Variants in CACNA1D observed in about 807,000 individuals in gnomAD.
The protein encoded by CACNA1D is voltage-dependent L-type calcium channel subunit alpha-1D.
Under a neutral mutation model 257.1 loss-of-function variants are expected in CACNA1D, and 55 were observed. The ratio of observed to expected loss-of-function variants is 0.21; its 90% CI spans 0.17 to 0.27. The LOEUF is 0.27. Ranked by LOEUF, CACNA1D falls within the 10% of genes least tolerant of loss-of-function variation. The pLI is 1.00. For synonymous variants in CACNA1D, 980 were observed against 1,014.9 expected, an observed-to-expected ratio of 0.97 and a Z score of 0.65; for missense variants, 1,876 against 2,784.0, an observed-to-expected ratio of 0.67 and a Z score of 7.34.
intron 3 of CACNA1D, among the ~76,000 whole-genome samples, chr3:53,588,117 A>G (rs2093248965): frequency 6.6e-6 from 1 of 152,216 alleles, no homozygotes. Flanking sequence ...ACACACTTTT[A>G]TGACTCCTTG....
At chr3:53,765,239 G>A (rs1425394878) in intron 30 of CACNA1D, among the ~76,000 whole-genome samples, 1 of 152,198 alleles carries the variant, frequency 6.6e-6, no homozygotes, top group Non-Finnish European at 1.5e-5. Context: ...CCCCTGGGGA[G>A]CAGTGCACAT....
intron 32 of CACNA1D, among the ~76,000 whole-genome samples, chr3:53,772,406 A>G (rs2095371194): frequency 6.6e-6 from 1 of 152,192 alleles, no homozygotes; most frequent in African/African-American, 2.4e-5. Flanking sequence ...TTGCGACATT[A>G]TCTACAATAC....
intron 14 of CACNA1D, among the ~76,000 whole-genome samples, chr3:53,726,131 A>C (rs966411808): frequency 3.9e-5 from 6 of 152,260 alleles, no homozygotes; most frequent in Non-Finnish European, 8.8e-5. Context: ...GAGGGTCTCC[A>C]GAGTATGTTG....
intron 3 of CACNA1D, among the ~76,000 whole-genome samples, chr3:53,520,502 A>G (rs1170884297): frequency 6.6e-6 from 1 of 152,236 alleles, no homozygotes; most frequent in Admixed American, 6.5e-5. Context: ...ATGGTGGCTC[A>G]TGCCTGTAAT....
At chr3:53,584,543 A>G (rs2093183269) in intron 3 of CACNA1D, among the ~76,000 whole-genome samples, 1 of 152,176 alleles carries the variant, frequency 6.6e-6, no homozygotes, top group Non-Finnish European at 1.5e-5. Flanking sequence ...TCCATTCACC[A>G]TCTAACATTT....
At position 53,718,389 on chromosome 3, in the gene CACNA1D, G is replaced by A; in HGVS notation, c.1478+1G>A. 6.2e-7 allele frequency: 1 copy of A among 1,613,468 alleles called. No homozygotes were observed. ...ACCGAGGCTGCTGTGGAAGTCTCTG[G>A]TGAGTGTGGGGAGCACTTGCCCTCT... On this transcript the variant is annotated splice_donor_variant, in intron 10 of 47. Transcript: ENST00000350061. LOFTEE classifies it high-confidence loss of function.
chr3:53,616,617 T>C (rs1334697852), intron 3 of CACNA1D, among the ~76,000 whole-genome samples: 2 of 152,158 alleles, frequency 1.3e-5, no homozygotes, highest in African/African-American at 4.8e-5. Flanking sequence ...TAGGAGGAAA[T>C]GCACTATGCC....
At chr3:53,682,450 A>G (rs1416394835) in intron 8 of CACNA1D, among the ~76,000 whole-genome samples, 12 of 147,700 alleles carry the variant, frequency 8.1e-5, no homozygotes, top group African/African-American at 3.0e-4. Flanking sequence ...CCAGCTACTC[A>G]GGAGGCTGAG....
chr3:53,761,561 A>G (rs561653905), intron 29 of CACNA1D, among the ~76,000 whole-genome samples: 14 of 152,358 alleles, frequency 9.2e-5, no homozygotes, highest in Middle Eastern at 3.4e-3. Flanking sequence ...GAGCACAGAA[A>G]TGGAAATGTG....
intron 22 of CACNA1D, among the ~76,000 whole-genome samples, chr3:53,743,395 A>G (rs1002350909): frequency 1.3e-5 from 2 of 152,214 alleles, no homozygotes; most frequent in Non-Finnish European, 2.9e-5. Flanking sequence ...GAGGGAGGGA[A>G]TCTAGGTTCT....
At position 53,585,983 on chromosome 3, in the gene CACNA1D, T is replaced by G. The variant is rs529726434; in HGVS notation, c.484-64796T>G. Among the ~76,000 whole-genome samples the G allele has an allele frequency of 2.6e-5, 4 of 152,294 alleles. No individual in the cohort carries two copies. In the East Asian group the frequency reaches 7.7e-4, roughly 29 times the overall value. On this transcript the variant is annotated intron_variant, in intron 3 of 47. Transcript: ENST00000350061. ...AGTCCCTGCCTCCGAGAACTTCGACTTCTTTCCAGATCTTCTGCTCTCTTA... is the reference window on the plus strand; with the variant it reads ...AGTCCCTGCCTCCGAGAACTTCGACGTCTTTCCAGATCTTCTGCTCTCTTA...
intron 39 of CACNA1D, chr3:53,782,262 G>GTTTATATATATATATA: frequency 2.4e-5 from 1 of 42,010 alleles, no homozygotes; most frequent in South Asian, 1.3e-3. Flanking sequence ...GTGTGTGTGT[G>GTTTATATATATATATA]TGTATATATA....
At chr3:53,718,655 A>G (rs2094847693) in intron 10 of CACNA1D, 1 of 1,342,814 alleles carries the variant, frequency 7.4e-7, no homozygotes, top group Non-Finnish European at 9.8e-7. Flanking sequence ...TGTGGTGGTT[A>G]ACCTGGCCAC....
rs1291223718 is a variant in CACNA1D, at chr3:53,723,434, A to T, written c.1667A>T (p.Asp556Val). Residue 556 changes from aspartate (D) to valine (V), a missense_variant and splice_region_variant, in exon 13 of 48, where the codon GAT becomes GTT. This residue lies in a region of CACNA1D where 257 missense variants were observed against 399.7 expected (regional missense o/e 0.64). Coordinates refer to ENST00000350061, the MANE Select transcript of CACNA1D (RefSeq NM_001128840.3). This position sits in a 1 kb window ranked among gnomAD's most constrained non-coding sequence, Gnocchi z 5.6. ...NQPDWLTQIQ[D>V]IANKVLLALF... ...GATGGGTGCCCCTTTGTCTTTCCAG[A>T]TATTGCCAACAAAGTCCTCTTGGCT... The T allele has an allele frequency of 1.2e-6, 2 of 1,613,320 alleles. No individual in the cohort carries two copies. Among genetic ancestry groups the T allele is most frequent in the South Asian group, 2.2e-5 (2 of 91,062 alleles).
chr3:53,498,921 T>C (rs570258620), intron 2 of CACNA1D, among the ~76,000 whole-genome samples: 4 of 152,318 alleles, frequency 2.6e-5, no homozygotes, highest in African/African-American at 7.2e-5. Context: ...GTGCATTTTC[T>C]TTTGAAGTTC....
chr3:53,658,377 C>A (rs1260919962), intron 4 of CACNA1D, among the ~76,000 whole-genome samples: 2 of 152,204 alleles, frequency 1.3e-5, no homozygotes, highest in Non-Finnish European at 2.9e-5. Flanking sequence ...AGCCCCGGCC[C>A]CTTGCAGCCC....
intron 40 of CACNA1D, among the ~76,000 whole-genome samples, chr3:53,795,546 T>G (rs1055122140): frequency 1.3e-5 from 2 of 152,220 alleles, no homozygotes; most frequent in African/African-American, 4.8e-5. Flanking sequence ...GGAATAACTT[T>G]GGCTCTCCCT....
At chr3:53,596,976 CT>C (rs1313784556) in intron 3 of CACNA1D, among the ~76,000 whole-genome samples, 1 of 152,118 alleles carries the variant, frequency 6.6e-6, no homozygotes, top group Non-Finnish European at 1.5e-5. Flanking sequence ...TTTGGCATTC[CT>C]TCAAGTTCTA....
At chr3:53,682,972 T>C (rs752091856) in intron 8 of CACNA1D, among the ~76,000 whole-genome samples, 5 of 152,220 alleles carry the variant, frequency 3.3e-5, no homozygotes, top group Admixed American at 2.6e-4. Flanking sequence ...CCTGGCTTTC[T>C]GCCTGGAGAC....
Sources: allele counts gnomAD v4.1 joint callset (sites outside exome capture counted in the v4.1 genomes callset), GRCh38; gene constraint gnomAD v4.1.1; regional missense constraint gnomAD v4.1.1; non-coding constraint Gnocchi (gnomAD v3.1); transcripts MANE v1.5; gene names NCBI Gene and HGNC (gene_info 2026-07-23, HGNC 2026-07-21).